Variants in FER1L6 observed in about 807,000 individuals in gnomAD.
FER1L6 encodes the protein fer-1 like family member 6, also known as fer-1-like protein 6.
In FER1L6, 177 loss-of-function variants were observed where a neutral mutation model predicts 219.2. The ratio of observed to expected loss-of-function variants is 0.81; its 90% CI spans 0.71 to 0.91. The LOEUF is 0.91. Among genes scored for constraint, FER1L6 ranks in the 40% least tolerant of loss-of-function variants. FER1L6 has a pLI of 0.00. For synonymous variants in FER1L6, 768 were observed against 824.3 expected (o/e 0.93, Z 1.17); for missense variants, 2,153 against 2,259.9 (o/e 0.95, Z 0.96).
chr8:123,924,876 A>G (rs1267269417), intron 1 of FER1L6: 1 of 152,158 alleles, frequency 6.6e-6, no homozygotes, highest in Non-Finnish European at 1.5e-5. Flanking sequence ...TCTCATGGTC[A>G]CTGTCAAAAC....
At position 124,060,589 on chromosome 8, in the gene FER1L6, C is replaced by A. The variant is rs1255852692; in HGVS notation, c.3027C>A (p.Leu1009=). Residue 1009 remains leucine (L), a synonymous_variant, in exon 24 of 41, where the codon CTC becomes CTA. Transcript: ENST00000522917. ...TTCGGGAAATGAAGAAGGTGCAGCT[C>A]CTCTCTGTGGATCGGCCTCAGGCTC... ...WGVREMKKVQ[L]LSVDRPQALI... is the part of the protein sequence containing the mutation. 6.2e-7 allele frequency: 1 copy of A among 1,614,042 alleles called. No individual in the cohort carries two copies. The highest frequency in any genetic ancestry group is 8.5e-7 in the Non-Finnish European group (1 of 1,179,996).
chr8:123,975,038 C>A, intron 7 of FER1L6, 112 bp from the exon 8 acceptor site: 2 of 969,984 alleles, frequency 2.1e-6, no homozygotes, highest in Non-Finnish European at 2.9e-6. Context: ...TGATTTACCA[C>A]CTAGAGCAAC....
At chr8:124,061,211 T>G (rs1820551815) in intron 24 of FER1L6, among the ~76,000 whole-genome samples, 1 of 152,250 alleles carries the variant, frequency 6.6e-6, no homozygotes, top group African/African-American at 2.4e-5. Flanking sequence ...TGTGAATTTA[T>G]GCTTCTGAAG....
At chr8:123,962,339 T>C (rs1815326422) in intron 2 of FER1L6, among the ~76,000 whole-genome samples, 1 of 152,156 alleles carries the variant, frequency 6.6e-6, no homozygotes, top group Non-Finnish European at 1.5e-5. Flanking sequence ...TTGCTTATCT[T>C]GAGGCTGGTG....
intron 12 of FER1L6, among the ~76,000 whole-genome samples, chr8:124,001,120 A>G (rs924343072): frequency 2.6e-5 from 4 of 152,232 alleles, no homozygotes; most frequent in Non-Finnish European, 5.9e-5. Flanking sequence ...ACTTGCCCAT[A>G]GGCAGTAAAT....
At chr8:124,107,500 G>A (rs1822829883) in intron 39 of FER1L6, among the ~76,000 whole-genome samples, 1 of 152,158 alleles carries the variant, frequency 6.6e-6, no homozygotes, top group Admixed American at 6.5e-5. Flanking sequence ...TGTTTTCCTA[G>A]ACTGTGTTAA....
At chr8:124,055,558 A>C (rs561514414) in intron 22 of FER1L6, among the ~76,000 whole-genome samples, 17 of 151,926 alleles carry the variant, frequency 1.1e-4, no homozygotes, top group African/African-American at 4.1e-4. Context: ...TACTTAGAAC[A>C]CTCGTTTCCC....
chr8:123,975,767 G>A, intron 8 of FER1L6, 131 bp from the exon 9 acceptor site: 1 of 725,666 alleles, frequency 1.4e-6, no homozygotes, highest in Non-Finnish European at 2.2e-6. Flanking sequence ...ACTCATTTCA[G>A]CAATGAATCT....
At position 124,060,713 on chromosome 8, in the gene FER1L6, C is replaced by T. The variant is rs370235885; in HGVS notation, c.3147+4C>T. On this transcript the variant is annotated splice_donor_region_variant and intron_variant, in intron 24 of 40. Coordinates refer to ENST00000522917, the MANE Select transcript of FER1L6 (RefSeq NM_001039112.2). ...CCAGGCAGACGCTTTCGAAGTGGTG[C>T]GAGCTTCTCACTCTCCCGACCTGGC... 5 of 1,612,240 alleles carry T rather than the reference C, an allele frequency of 3.1e-6. No individual in the cohort carries two copies. The highest frequency in any genetic ancestry group is 4.2e-6 in the Non-Finnish European group (5 of 1,178,594).
chr8:123,923,941 G>GAAA (rs60137127), intron 1 of FER1L6, among the ~76,000 whole-genome samples: 6 of 94,768 alleles, frequency 6.3e-5, no homozygotes, highest in Admixed American at 1.2e-4. Flanking sequence ...CTCCAACTAA[G>GAAA]AAAAAAAAAA....
chr8:124,099,834 G>T (rs193085998), intron 37 of FER1L6, among the ~76,000 whole-genome samples: 58 of 152,200 alleles, frequency 3.8e-4, no homozygotes, highest in African/African-American at 1.3e-3. Flanking sequence ...TCTGCAAGAA[G>T]AACTAAGAAG....
At chr8:123,946,809 T>G (rs1029099703) in intron 1 of FER1L6, among the ~76,000 whole-genome samples, 1 of 152,024 alleles carries the variant, frequency 6.6e-6, no homozygotes, top group Middle Eastern at 3.2e-3. Flanking sequence ...CTTTTCCAAC[T>G]CCTACTTGAG....
intron 14 of FER1L6, among the ~76,000 whole-genome samples, chr8:124,011,249 C>T (rs138669712): frequency 1.3e-5 from 2 of 152,314 alleles, no homozygotes; most frequent in Admixed American, 6.5e-5. Flanking sequence ...CTTTTCCCCT[C>T]TCCAGTCTTC....
chr8:123,963,242 T>C (rs1395049903), intron 2 of FER1L6, 36 bp from the exon 3 acceptor site: 5 of 1,612,120 alleles, frequency 3.1e-6, no homozygotes, highest in Non-Finnish European at 4.2e-6. Flanking sequence ...CACATGTCAA[T>C]TTCACAGGAT....
At chr8:123,990,360 C>G (rs954164439) in intron 12 of FER1L6, among the ~76,000 whole-genome samples, 1 of 152,204 alleles carries the variant, frequency 6.6e-6, no homozygotes, top group Non-Finnish European at 1.5e-5. Context: ...TAAGCATTCC[C>G]TTTTCACCAC....
At chr8:123,905,224 G>A (rs1297203965) in intron 1 of FER1L6, among the ~76,000 whole-genome samples, 1 of 152,046 alleles carries the variant, frequency 6.6e-6, no homozygotes, top group African/African-American at 2.4e-5. Flanking sequence ...TATTTATCCT[G>A]ATACTCTCCC....
intron 33 of FER1L6, among the ~76,000 whole-genome samples, chr8:124,084,296 T>C (rs1250760481): frequency 2.0e-5 from 3 of 152,142 alleles, no homozygotes; most frequent in Non-Finnish European, 2.9e-5. Flanking sequence ...CAGTTCTATG[T>C]TGAATAACAG....
At chr8:123,935,648 G>C (rs1046513941) in intron 1 of FER1L6, among the ~76,000 whole-genome samples, 33 of 152,132 alleles carry the variant, frequency 2.2e-4, no homozygotes, top group African/African-American at 8.0e-4. Flanking sequence ...TGGGTTCAGG[G>C]AAGTGCAAGC....
intron 1 of FER1L6, among the ~76,000 whole-genome samples, chr8:123,907,461 G>C (rs898404193): frequency 1.3e-5 from 2 of 152,002 alleles, no homozygotes; most frequent in Non-Finnish European, 2.9e-5. Flanking sequence ...GGGCAACCCT[G>C]ACTTTCACTG....
Sources: gnomAD v4.1 joint callset for allele counts (sites outside exome capture counted in the v4.1 genomes callset) on GRCh38, gnomAD v4.1.1 for gene constraint, MANE v1.5 for transcripts, NCBI Gene and HGNC (gene_info 2026-07-23, HGNC 2026-07-21) for gene names.